Variants in CDON observed in about 807,000 individuals in gnomAD.
The protein encoded by CDON is cell adhesion molecule-related/down-regulated by oncogenes.
A neutral mutation model predicts 120.9 loss-of-function variants in CDON; 73 were observed. The ratio of observed to expected loss-of-function variants is 0.60; its 90% CI spans 0.50 to 0.73. The LOEUF (loss-of-function observed/expected upper bound fraction) is 0.73, where lower values mean the gene tolerates loss of function less well. CDON is among the 30% of genes least tolerant of loss of function. The pLI, the probability that CDON is intolerant of heterozygous loss-of-function variation, is 0.00. For synonymous variants in CDON, 566 were observed against 573.5 expected (o/e 0.99, Z 0.19); for missense variants, 1,470 against 1,587.3 (o/e 0.93, Z 1.26).
At position 125,981,970 on chromosome 11, in the gene CDON, CTTTTTTT is replaced by C. The variant is rs61446837; in HGVS notation, c.2996-648_2996-642del. Among the ~76,000 whole-genome samples the C allele has an allele frequency of 3.7e-3, 201 of 54,308 alleles. 2 individuals carry two copies. Among genetic ancestry groups the C allele is most frequent in the African/African-American group, 0.014 (178 of 12,450 alleles). The allele number at this position is 54,308 out of a possible 152,430, so 35.6% of individuals were successfully genotyped here. On this transcript the variant is annotated intron_variant, in intron 16 of 19. Coordinates refer to ENST00000531738, the MANE Select transcript of CDON (RefSeq NM_001378964.1). ...CAAAGGCAAAAAGTGATTCTATTTT[CTTTTTTT>C]TTTTTTTTTTTTTTTTTTTTTTTGA...
In CDON at chr11:125,960,927, G is replaced by A. The variant is rs775558557; in HGVS notation, c.*15C>T. ...CCGGCTTGAAGTTGGAACATGACTG[G>A]TTGTTTGCATGTCCTCAGGTTTCCC... On this transcript the variant is annotated 3_prime_UTR_variant, in exon 20 of 20. Transcript: ENST00000531738. 1 of 1,613,586 alleles carries A rather than the reference G, an allele frequency of 6.2e-7. No homozygotes were observed. The highest frequency in any genetic ancestry group is 1.7e-5 in the Admixed American group (1 of 60,026).
chr11:126,038,417 C>T (rs560253098), intron 1 of CDON, among the ~76,000 whole-genome samples: 4 of 152,150 alleles, frequency 2.6e-5, no homozygotes, highest in South Asian at 2.1e-4. Flanking sequence ...TTAGGGGGGC[C>T]GAGGCAGGAG....
rs528084181 is a variant in CDON at position 126,040,100 on chromosome 11, A to AATAC, written c.-61-16564_-61-16563insGTAT. On this transcript the variant is annotated intron_variant, in intron 1 of 19. Transcript: ENST00000531738. ...CTCACTATACTCAAATAAATAAATA[A>AATAC]ATAAGTAAAAGAGCTAGACTAGCTT... Among the ~76,000 whole-genome samples, 18 of 152,294 alleles carry AATAC rather than the reference A, an allele frequency of 1.2e-4. No individual in the cohort carries two copies. The South Asian group carries it at 3.7e-3, about 32-fold the overall frequency.
chr11:126,019,218 C>T (rs1238196021), intron 4 of CDON, among the ~76,000 whole-genome samples: 1 of 152,098 alleles, frequency 6.6e-6, no homozygotes, highest in African/African-American at 2.4e-5. Flanking sequence ...TGCATGCAGC[C>T]GGCATTCCAG....
chr11:126,008,619 C>T (rs781409315), intron 8 of CDON, among the ~76,000 whole-genome samples: 3 of 152,130 alleles, frequency 2.0e-5, no homozygotes, highest in Non-Finnish European at 2.9e-5. Context: ...AAAACTATGA[C>T]ATCTGTCTCT....
intron 1 of CDON, among the ~76,000 whole-genome samples, chr11:126,040,589 G>A (rs1591419778): frequency 6.6e-6 from 1 of 152,014 alleles, no homozygotes; most frequent in East Asian, 1.9e-4. Context: ...GCCGAGGTGG[G>A]CGGATCACAA....
In CDON at chr11:126,019,612, G is replaced by A; in HGVS notation, c.496+7C>T. ...GTGTGCCACCGGCTTTTCACAAAAG[G>A]TCTCACCTGTGGAATGTTCCAGCCA... On this transcript the variant is annotated splice_region_variant and intron_variant, in intron 4 of 19. Coordinates refer to ENST00000531738, the MANE Select transcript of CDON (RefSeq NM_001378964.1). 1 of 1,613,962 alleles carries A rather than the reference G, an allele frequency of 6.2e-7. No homozygotes were observed. Among genetic ancestry groups the A allele is most frequent in the South Asian group, 1.1e-5 (1 of 91,074 alleles).
At chr11:126,026,440 T>C (rs2134726356) in intron 1 of CDON, among the ~76,000 whole-genome samples, 1 of 152,374 alleles carries the variant, frequency 6.6e-6, no homozygotes, top group East Asian at 1.9e-4. Flanking sequence ...GAATTTTATG[T>C]GCATTTTCAT....
intron 18 of CDON, among the ~76,000 whole-genome samples, chr11:125,975,593 T>C (rs1946129294): frequency 6.6e-6 from 1 of 152,216 alleles, no homozygotes; most frequent in Non-Finnish European, 1.5e-5. Flanking sequence ...TCTCAAAGCA[T>C]GGTCCCAGGA....
intron 1 of CDON, among the ~76,000 whole-genome samples, chr11:126,032,636 G>A (rs995522537): frequency 2.6e-5 from 4 of 152,112 alleles, no homozygotes; most frequent in East Asian, 1.9e-4. Flanking sequence ...TGAGAGATAC[G>A]GGGACCTGTA....
intron 17 of CDON, 81 bp from the exon 18 acceptor site, chr11:125,978,464 C>A (rs1010061241): frequency 2.4e-6 from 2 of 849,580 alleles, no homozygotes; most frequent in Non-Finnish European, 3.9e-6. Context: ...CAAATAATCA[C>A]AAATACACAT....
chr11:126,040,111 G>C (rs1398682219), intron 1 of CDON, among the ~76,000 whole-genome samples: 3 of 152,218 alleles, frequency 2.0e-5, no homozygotes, highest in African/African-American at 7.2e-5. Context: ...ATAAGTAAAA[G>C]AGCTAGACTA....
intron 17 of CDON, 48 bp downstream of exon 17, chr11:125,981,001 G>C: frequency 6.3e-7 from 1 of 1,590,174 alleles, no homozygotes. Flanking sequence ...TCTAGTACTT[G>C]GCACCCTGAG....
chr11:126,018,568 C>G, intron 4 of CDON, 95 bp from the exon 5 acceptor site: 1 of 1,091,024 alleles, frequency 9.2e-7, no homozygotes, highest in East Asian at 2.4e-5. Context: ...ATGCTCTATT[C>G]CATCTTATTT....
chr11:126,017,494 G>T, intron 5 of CDON, 119 bp from the exon 6 acceptor site: 1 of 982,324 alleles, frequency 1.0e-6, no homozygotes, highest in Non-Finnish European at 1.5e-6. Context: ...GGTCCTATTT[G>T]GTGGTTAAAT....
intron 7 of CDON, among the ~76,000 whole-genome samples, chr11:126,013,665 T>G (rs943861176): frequency 6.6e-6 from 1 of 152,118 alleles, no homozygotes; most frequent in Non-Finnish European, 1.5e-5. Context: ...TAATATTATT[T>G]GTACCTTCTT....
intron 1 of CDON, among the ~76,000 whole-genome samples, chr11:126,043,978 C>T (rs1948334799): frequency 6.6e-6 from 1 of 152,182 alleles, no homozygotes; most frequent in African/African-American, 2.4e-5. Context: ...TTTCAGTGCC[C>T]AGGTGCATTT....
At position 125,973,244 on chromosome 11, in the gene CDON, C is replaced by T. The variant is rs962624280; in HGVS notation, c.3356+5060G>A. Among the ~76,000 whole-genome samples the T allele has an allele frequency of 5.3e-5, 8 of 151,870 alleles. No individual in the cohort carries two copies. The South Asian group carries it at 8.3e-4, about 16-fold the overall frequency. ...GCATCCAGAGTGTTCTTTAAAAACCCAAATTCAGCTGGGCATGGTGGCTCA... is the reference window on the plus strand; with the variant it reads ...GCATCCAGAGTGTTCTTTAAAAACCTAAATTCAGCTGGGCATGGTGGCTCA... On this transcript the variant is annotated intron_variant, in intron 18 of 19. Transcript: ENST00000531738.
intron 8 of CDON, among the ~76,000 whole-genome samples, chr11:126,009,014 C>G (rs902571456): frequency 1.3e-5 from 2 of 152,200 alleles, no homozygotes; most frequent in Non-Finnish European, 2.9e-5. Flanking sequence ...ATTCTCACAT[C>G]AACCCTATGA....
Sources: allele counts gnomAD v4.1 joint callset (sites outside exome capture counted in the v4.1 genomes callset), GRCh38; gene constraint gnomAD v4.1.1; transcripts MANE v1.5; gene names NCBI Gene and HGNC (gene_info 2026-07-23, HGNC 2026-07-21).